ZNF609: variants seen among roughly 807,000 people sequenced by gnomAD.
ZNF609 encodes zinc finger protein 609.
In ZNF609, 11 loss-of-function variants were observed where a neutral mutation model predicts 109.5. The ratio of observed to expected loss-of-function variants is 0.10; its 90% CI spans 0.06 to 0.17. The LOEUF is 0.17. ZNF609 is among the 10% of genes least tolerant of loss of function. The pLI is 1.00. For synonymous variants in ZNF609, 646 were observed against 662.0 expected (o/e 0.98, Z 0.37); for missense variants, 1,559 against 1,772.4 (o/e 0.88, Z 2.16).
chr15:64,592,305 G>C (rs1895312368), intron 2 of ZNF609, among the ~76,000 whole-genome samples: 1 of 152,232 alleles, frequency 6.6e-6, no homozygotes, highest in Non-Finnish European at 1.5e-5. Flanking sequence ...AGCTGGGCAT[G>C]GTGGCTCACG....
rs376369758 is a variant in ZNF609, at chr15:64,575,028, C to T, written c.748-47799C>T. On this transcript the variant is annotated intron_variant, in intron 2 of 9. Coordinates refer to ENST00000326648, the MANE Select transcript of ZNF609 (RefSeq NM_015042.2). ...GTTCATTAATGGGGCTTGTATGTGG[C>T]AGCACAGTATATAGAAATGAATCCT... Among the ~76,000 whole-genome samples the T allele has an allele frequency of 4.6e-5, 7 of 152,282 alleles. No homozygotes were observed. The East Asian group carries it at 9.6e-4, about 21-fold the overall frequency.
chr15:64,469,359 G>A (rs1405379805), intron 1 of ZNF609, among the ~76,000 whole-genome samples: 1 of 149,660 alleles, frequency 6.7e-6, no homozygotes, highest in African/African-American at 2.5e-5. Flanking sequence ...AGGAGGTCGA[G>A]GCTGCAGTGA....
chr15:64,584,204 A>T (rs1382425864), intron 2 of ZNF609, among the ~76,000 whole-genome samples: 2 of 152,020 alleles, frequency 1.3e-5, no homozygotes, highest in African/African-American at 2.4e-5. Context: ...AGGATCTCTG[A>T]CTCGGCACTT....
At chr15:64,506,096 T>C (rs1218248464) in intron 2 of ZNF609, among the ~76,000 whole-genome samples, 1 of 152,196 alleles carries the variant, frequency 6.6e-6, no homozygotes, top group African/African-American at 2.4e-5. Context: ...TAATTGTTCT[T>C]CCTCAGTTTT....
intron 1 of ZNF609, among the ~76,000 whole-genome samples, chr15:64,468,501 C>T (rs1351521962): frequency 6.6e-6 from 1 of 152,072 alleles, no homozygotes; most frequent in Non-Finnish European, 1.5e-5. Context: ...ATCCTCCCAC[C>T]TTGGCCTCCC....
chr15:64,552,606 G>A (rs1037854492), intron 2 of ZNF609, among the ~76,000 whole-genome samples: 1 of 151,894 alleles, frequency 6.6e-6, no homozygotes, highest in African/African-American at 2.4e-5. Flanking sequence ...CACCTGCTTC[G>A]GCCTCCCAAA....
intron 1 of ZNF609, among the ~76,000 whole-genome samples, chr15:64,494,772 G>A (rs141192302): frequency 6.6e-5 from 10 of 152,092 alleles, no homozygotes; most frequent in Admixed American, 2.6e-4. Flanking sequence ...TAATCCACCC[G>A]TCTAGGCCTC....
At chr15:64,664,960 A>G (rs1896626485) in intron 3 of ZNF609, among the ~76,000 whole-genome samples, 1 of 152,202 alleles carries the variant, frequency 6.6e-6, no homozygotes, top group Non-Finnish European at 1.5e-5. Flanking sequence ...GCCCTTATAA[A>G]TGAGATGCCT....
In ZNF609 at chr15:64,683,020, C is replaced by G. The variant is rs2083219740; in HGVS notation, c.*1334C>G. ...GTGCTTTGAGGCAGCCAACATTTCT[C>G]TGCTCTCCTTAGAAATGCAGTCTCC... On this transcript the variant is annotated 3_prime_UTR_variant, in exon 10 of 10. Transcript: ENST00000326648. 1 of 152,666 alleles carries G rather than the reference C, an allele frequency of 6.6e-6. No individual in the cohort carries two copies. The highest frequency in any genetic ancestry group is 1.5e-5 in the Non-Finnish European group (1 of 68,056). 9.5% of individuals were successfully genotyped at this position (152,666 alleles called of 1,614,324 possible).
At chr15:64,595,563 T>G (rs980148041) in intron 2 of ZNF609, among the ~76,000 whole-genome samples, 1 of 152,088 alleles carries the variant, frequency 6.6e-6, no homozygotes, top group East Asian at 1.9e-4. Flanking sequence ...AATTCTCTTT[T>G]TAAGTCAGGT....
chr15:64,661,393 C>T (rs908365811), intron 3 of ZNF609, among the ~76,000 whole-genome samples: 1 of 152,088 alleles, frequency 6.6e-6, no homozygotes, highest in Non-Finnish European at 1.5e-5. Flanking sequence ...CAGTGTCTGG[C>T]CCAGAGTAGG....
chr15:64,492,269 C>T (rs1395808682), intron 1 of ZNF609, among the ~76,000 whole-genome samples: 1 of 151,932 alleles, frequency 6.6e-6, no homozygotes, highest in Admixed American at 6.6e-5. Flanking sequence ...AAAAAAGCCA[C>T]ATGTGAAGGT....
chr15:64,587,377 C>T (rs1266360746), intron 2 of ZNF609, among the ~76,000 whole-genome samples: 1 of 40,228 alleles, frequency 2.5e-5, no homozygotes, highest in Non-Finnish European at 1.0e-4. Context: ...TACCTAGCAG[C>T]ACAGTACCTA....
chr15:64,591,641 G>A (rs139698897), intron 2 of ZNF609, among the ~76,000 whole-genome samples: 7,914 of 152,148 alleles, frequency 0.052, 289 homozygotes, highest in African/African-American at 0.099. Context: ...CACTTTGGGA[G>A]GCTGAGGTGG....
chr15:64,556,260 T>C (rs1894584727), intron 2 of ZNF609, among the ~76,000 whole-genome samples: 1 of 151,950 alleles, frequency 6.6e-6, no homozygotes, highest in Admixed American at 6.6e-5. Flanking sequence ...TCTCCCAAAG[T>C]GCTGGGAGTA....
At chr15:64,604,808 T>C (rs1350567388) in intron 2 of ZNF609, among the ~76,000 whole-genome samples, 1 of 152,062 alleles carries the variant, frequency 6.6e-6, no homozygotes, top group East Asian at 1.9e-4. Context: ...TTTAATTTAA[T>C]TTATTTAGTT....
chr15:64,651,690 GA>G (rs1300041673), intron 3 of ZNF609, among the ~76,000 whole-genome samples: 1 of 152,198 alleles, frequency 6.6e-6, no homozygotes, highest in Non-Finnish European at 1.5e-5. Flanking sequence ...GAGCTGTCAG[GA>G]GGACTATACA....
chr15:64,648,697 A>G (rs757947744), intron 3 of ZNF609, among the ~76,000 whole-genome samples: 4 of 151,318 alleles, frequency 2.6e-5, no homozygotes, highest in Non-Finnish European at 5.9e-5. Flanking sequence ...TTAAAGCACA[A>G]TAAGTTGTAT....
At position 64,684,144 on chromosome 15, in the gene ZNF609, AT is replaced by A. The variant is rs2083227354; in HGVS notation, c.*2460del. ...ATAACATGAAGCAGCAGCTGTGGAG[AT>A]TCTTGACAAGTGCTGAGTGAAAGAT... On this transcript the variant is annotated 3_prime_UTR_variant, in exon 10 of 10. Coordinates refer to ENST00000326648, the MANE Select transcript of ZNF609 (RefSeq NM_015042.2). The A allele has an allele frequency of 2.6e-5, 4 of 152,252 alleles. No homozygotes were observed. The South Asian group carries it at 8.3e-4, about 32-fold the overall frequency. 9.4% of individuals were successfully genotyped at this position (152,252 alleles called of 1,614,324 possible).
Sources: gnomAD v4.1 joint callset for allele counts (sites outside exome capture counted in the v4.1 genomes callset) on GRCh38, gnomAD v4.1.1 for gene constraint, MANE v1.5 for transcripts, NCBI Gene and HGNC (gene_info 2026-07-23, HGNC 2026-07-21) for gene names.